The following NLRP3 variants were observed in gnomAD, a reference collection of about 807,000 sequenced individuals.
NLRP3 encodes the protein NLR family pyrin domain containing 3, also known as NACHT, LRR and PYD domains-containing protein 3.
A neutral mutation model predicts 91.3 loss-of-function variants in NLRP3; 48 were observed. The observed-to-expected ratio is 0.53, with a 90% CI of 0.42 to 0.67. The LOEUF is 0.67. Ranked by LOEUF, NLRP3 falls within the 30% of genes least tolerant of loss-of-function variation. The pLI is 0.00. For synonymous variants in NLRP3, 561 were observed against 507.9 expected (o/e 1.10, Z -1.41); for missense variants, 982 against 1,276.9 (o/e 0.77, Z 3.52).
intron 7 of NLRP3, among the ~76,000 whole-genome samples, chr1:247,443,495 G>A (rs995235097): frequency 3.6e-4 from 54 of 150,650 alleles, no homozygotes; most frequent in Admixed American, 1.1e-3. Context: ...ACGTTCACCT[G>A]TTGTCTTTGA....
At position 247,448,705 on chromosome 1, in the gene NLRP3, C is replaced by T; in HGVS notation, c.*201C>T. On this transcript the variant is annotated 3_prime_UTR_variant, in exon 10 of 10. Coordinates refer to ENST00000336119, the MANE Select transcript of NLRP3 (RefSeq NM_001243133.2). Reference sequence around the variant, plus strand: ...CCTTTACGCCAGGGTGAGGAAGACACCAGGACAATGACAGCATCGGGTGTT... The same window carrying T: ...CCTTTACGCCAGGGTGAGGAAGACATCAGGACAATGACAGCATCGGGTGTT... 1.6e-6 allele frequency: 1 copy of T among 625,000 alleles called. No individual in the cohort carries two copies. Among genetic ancestry groups the T allele is most frequent in the Admixed American group, 2.5e-5 (1 of 40,280 alleles). The allele number at this position is 625,000 out of a possible 1,614,324, so 38.7% of individuals were successfully genotyped here.
chr1:247,430,127 C>T lies in NLRP3; in HGVS notation c.2321+372C>T, dbSNP rs192564459. 3.9e-5 allele frequency among the ~76,000 whole-genome samples: 6 copies of T among 152,234 alleles called. No individual in the cohort carries two copies. The East Asian group carries it at 7.8e-4, about 20-fold the overall frequency. ...CTGACCTCAGGTGATCCGCCCGCCT[C>T]GGCCTCCCAAAATGCTGGGATTACA... is the stretch of plus-strand genomic sequence containing the variant. On this transcript the variant is annotated intron_variant, in intron 5 of 9. Transcript: ENST00000336119.
Position 247,424,581 on chromosome 1 carries a change from G to C in NLRP3, c.1132G>C (p.Glu378Gln). The C allele has an allele frequency of 1.2e-6, 2 of 1,614,232 alleles. No homozygotes were observed. The highest frequency in any genetic ancestry group is 1.7e-6 in the Non-Finnish European group (2 of 1,180,050). The stretch of plus-strand genomic sequence containing the variant: ...GGGTTTCTCCGAGGCCAAAAGGAAA[G>C]AGTACTTCTTCAAGTACTTCTCTGA... ...ILGFSEAKRKEYFFKYFSDEA... is the reference protein window; with the variant it reads ...ILGFSEAKRKQYFFKYFSDEA... The change falls in exon 4 of 10, where the codon GAG (glutamate) becomes CAG (glutamine). Residue 378 changes from glutamate to glutamine, a missense_variant. Physicochemically the swap from Glu to Gln is conservative, Grantham distance 29. Transcript: ENST00000336119. This position sits in a 1 kb window ranked among gnomAD's most constrained non-coding sequence, Gnocchi z 8.1.
chr1:247,424,625 A>G lies in NLRP3; in HGVS notation c.1176A>G (p.Ala392=). 1.2e-6 allele frequency: 2 copies of G among 1,614,254 alleles called. No individual in the cohort carries two copies. The highest frequency in any genetic ancestry group is 1.7e-6 in the Non-Finnish European group (2 of 1,180,050). ...KYFSDEAQAR[A]AFSLIQENEV... is the part of the protein sequence containing the mutation. ...TCTCTGATGAGGCCCAAGCCAGGGC[A>G]GCCTTCAGTCTGATTCAGGAGAACG... is the stretch of plus-strand genomic sequence containing the variant. The change falls in exon 4 of 10, where the codon GCA becomes GCG. Residue 392 remains alanine, a synonymous_variant. Coordinates refer to ENST00000336119, the MANE Select transcript of NLRP3 (RefSeq NM_001243133.2). This position sits in a 1 kb window ranked among gnomAD's most constrained non-coding sequence, Gnocchi z 8.1.
At chr1:247,440,764 A>T (rs1664156176) in intron 7 of NLRP3, among the ~76,000 whole-genome samples, 1 of 151,840 alleles carries the variant, frequency 6.6e-6, no homozygotes, top group Non-Finnish European at 1.5e-5. Context: ...GGTGGACATC[A>T]CTGTGCCCAG....
chr1:247,430,407 G>T (rs2103136393), intron 5 of NLRP3, among the ~76,000 whole-genome samples: 1 of 149,010 alleles, frequency 6.7e-6, no homozygotes, highest in East Asian at 2.0e-4. Context: ...AGGGACAGCA[G>T]TCCTGATGGA....
intron 6 of NLRP3, 52 bp from the exon 7 acceptor site, chr1:247,435,918 T>G: frequency 1.3e-6 from 2 of 1,586,552 alleles, no homozygotes; most frequent in Non-Finnish European, 8.6e-7. Context: ...TCCTTGTCCA[T>G]GGTGGAGCGT....
chr1:247,430,327 G>A (rs1353985190), intron 5 of NLRP3, among the ~76,000 whole-genome samples: 1 of 152,196 alleles, frequency 6.6e-6, no homozygotes. Context: ...GTTTGTAGAT[G>A]CCCCCTTCTC....
chr1:247,435,437 G>A (rs1191218144), intron 6 of NLRP3, among the ~76,000 whole-genome samples: 1 of 152,226 alleles, frequency 6.6e-6, no homozygotes, highest in Non-Finnish European at 1.5e-5. Flanking sequence ...GAGCCTCGGG[G>A]ACATTATGCT....
chr1:247,423,052 T>C (rs1467258704), intron 2 of NLRP3, among the ~76,000 whole-genome samples, 178 bp from the exon 3 acceptor site: 1 of 152,064 alleles, frequency 6.6e-6, no homozygotes, highest in Non-Finnish European at 1.5e-5. Flanking sequence ...AAACTAGGAG[T>C]GCAGAAATGC....
chr1:247,417,010 G>C (rs989904965), intron 1 of NLRP3, among the ~76,000 whole-genome samples: 1 of 152,212 alleles, frequency 6.6e-6, no homozygotes, highest in East Asian at 1.9e-4. Context: ...CATCCATCCG[G>C]ACTCTAGGAG....
intron 7 of NLRP3, among the ~76,000 whole-genome samples, chr1:247,437,811 G>T (rs1663903721): frequency 6.6e-6 from 1 of 152,202 alleles, no homozygotes; most frequent in South Asian, 2.1e-4. Context: ...CTCACGTTTG[G>T]CGAGTGCCTC....
At chr1:247,446,482 T>C (rs1381645492) in intron 9 of NLRP3, among the ~76,000 whole-genome samples, 1 of 152,220 alleles carries the variant, frequency 6.6e-6, no homozygotes. Flanking sequence ...CCCTTGCTTA[T>C]TCTGCCCCAG....
intron 5 of NLRP3, 129 bp downstream of exon 5, chr1:247,429,884 C>CT: frequency 2.4e-6 from 3 of 1,257,068 alleles, no homozygotes; most frequent in Non-Finnish European, 3.3e-6. Flanking sequence ...TTCTTTTTTT[C>CT]TTTTTTTGAG....
intron 4 of NLRP3, among the ~76,000 whole-genome samples, chr1:247,426,480 G>A (rs1662895872): frequency 6.6e-6 from 1 of 152,188 alleles, no homozygotes. Flanking sequence ...AGTTTAGCCT[G>A]GATAGAAGAC....
In NLRP3 at chr1:247,419,068, C is replaced by T. The variant is rs1395644058; in HGVS notation, c.268C>T (p.Pro90Ser). The change falls in exon 2 of 10, where the codon CCG becomes TCG. Residue 90 changes from proline (P) to serine (S), a missense_variant. This residue lies in a region of NLRP3 where 548 missense variants were observed against 713.7 expected (regional missense o/e 0.77). Coordinates refer to ENST00000336119, the MANE Select transcript of NLRP3 (RefSeq NM_001243133.2). ...TTATGAGAAAGCAAAAAGAGATGAGCCGAAGTGGGGTGAGTGGAAGGAAGA... is the reference window on the plus strand; with the variant it reads ...TTATGAGAAAGCAAAAAGAGATGAGTCGAAGTGGGGTGAGTGGAAGGAAGA... The part of the protein sequence containing the change: ...DLYEKAKRDE[P>S]KWGSDNARVS... 11 of 1,610,306 alleles carry T rather than the reference C, an allele frequency of 6.8e-6. No individual in the cohort carries two copies. The African/African-American group carries it at 1.5e-4, about 22-fold the overall frequency.
At chr1:247,430,748 A>G (rs902482672) in intron 5 of NLRP3, among the ~76,000 whole-genome samples, 2 of 150,994 alleles carry the variant, frequency 1.3e-5, no homozygotes, top group African/African-American at 4.9e-5. Flanking sequence ...AACAATGGCA[A>G]CCTCACCTAA....
At chr1:247,423,517 G>C (rs908592134) in intron 3 of NLRP3, among the ~76,000 whole-genome samples, 168 bp downstream of exon 3, 6 of 152,172 alleles carry the variant, frequency 3.9e-5, no homozygotes, top group African/African-American at 1.4e-4. Context: ...ATTCATGTTT[G>C]TGTGGCTCTT....
At chr1:247,444,569 A>G in intron 8 of NLRP3, 82 bp from the exon 9 acceptor site, 2 of 1,486,478 alleles carry the variant, frequency 1.3e-6, no homozygotes, top group East Asian at 4.5e-5. Context: ...ACCTGAAACA[A>G]GACAGGCTAA....
Sources: allele counts gnomAD v4.1 joint callset (sites outside exome capture counted in the v4.1 genomes callset), GRCh38; gene constraint gnomAD v4.1.1; regional missense constraint gnomAD v4.1.1; non-coding constraint Gnocchi (gnomAD v3.1); transcripts MANE v1.5; gene names NCBI Gene and HGNC (gene_info 2026-07-23, HGNC 2026-07-21).